Variants in KANSL1L observed in about 807,000 individuals in gnomAD.
KANSL1L encodes KAT8 regulatory NSL complex subunit 1-like protein.
In KANSL1L, 25 loss-of-function variants were observed where a neutral mutation model predicts 108.6. That is an observed-to-expected ratio of 0.23 (90% CI 0.17 to 0.32). The LOEUF is 0.32. Among genes scored for constraint, KANSL1L ranks in the 10% least tolerant of loss-of-function variants. The pLI, the probability that KANSL1L is intolerant of heterozygous loss-of-function variation, is 1.00. For synonymous variants in KANSL1L, 405 were observed against 395.1 expected (o/e 1.03, Z -0.30); for missense variants, 1,137 against 1,125.7 (o/e 1.01, Z -0.14).
chr2:210,108,209 A>C (rs527495907), intron 3 of KANSL1L, among the ~76,000 whole-genome samples: 1 of 152,300 alleles, frequency 6.6e-6, no homozygotes, highest in South Asian at 2.1e-4. Context: ...ATGAGAAACT[A>C]CTAAAATAAC....
intron 3 of KANSL1L, among the ~76,000 whole-genome samples, chr2:210,110,932 C>T (rs1415227879): frequency 6.6e-6 from 1 of 151,752 alleles, no homozygotes; most frequent in East Asian, 1.9e-4. Context: ...GGCAACATGG[C>T]GAAACCCCAA....
rs548039643 is a variant in KANSL1L at position 210,059,352 on chromosome 2, G to A, written c.1756-15248C>T. 7.2e-5 allele frequency among the ~76,000 whole-genome samples: 11 copies of A among 152,270 alleles called. No homozygotes were observed. The South Asian group carries it at 2.3e-3, about 32-fold the overall frequency. ...AGTCCCACTTCCGCCAGCACAGCTG[G>A]CCCTCCAGCTGAATGTAGCCATATG... On this transcript the variant is annotated intron_variant, in intron 6 of 14. Coordinates refer to ENST00000281772, the MANE Select transcript of KANSL1L (RefSeq NM_152519.4).
intron 2 of KANSL1L, among the ~76,000 whole-genome samples, chr2:210,135,556 G>A (rs1228638072): frequency 6.6e-6 from 1 of 152,028 alleles, no homozygotes; most frequent in Non-Finnish European, 1.5e-5. Flanking sequence ...TCTAGGTCTG[G>A]CCATTATAAA....
intron 5 of KANSL1L, chr2:210,088,664 C>T (rs939489101): frequency 6.5e-6 from 1 of 152,738 alleles, no homozygotes; most frequent in Non-Finnish European, 1.5e-5. Flanking sequence ...CCTCACTGGC[C>T]GCCACAGAGG....
chr2:210,138,381 G>A (rs1224870914), intron 2 of KANSL1L, among the ~76,000 whole-genome samples: 2 of 151,956 alleles, frequency 1.3e-5, no homozygotes, highest in Non-Finnish European at 2.9e-5. Flanking sequence ...TCACTACCTG[G>A]ACAATGGGAT....
intron 1 of KANSL1L, among the ~76,000 whole-genome samples, chr2:210,163,043 T>C (rs2095370032): frequency 6.6e-6 from 1 of 152,152 alleles, no homozygotes; most frequent in Non-Finnish European, 1.5e-5. Context: ...TTTCTATCCT[T>C]ACATCTTATT....
At chr2:210,031,759 G>A (rs1016166808) in intron 8 of KANSL1L, among the ~76,000 whole-genome samples, 3 of 152,150 alleles carry the variant, frequency 2.0e-5, no homozygotes, top group Admixed American at 2.0e-4. Flanking sequence ...GGGATGAAAA[G>A]GGAAGATGAT....
chr2:210,169,700 C>A (rs1022103774), intron 1 of KANSL1L, among the ~76,000 whole-genome samples: 1 of 152,150 alleles, frequency 6.6e-6, no homozygotes, highest in African/African-American at 2.4e-5. Flanking sequence ...AGATTAAAAC[C>A]ATGAGGAAAT....
At chr2:210,024,968 A>G (rs1216675692) in intron 13 of KANSL1L, 136 bp downstream of exon 13, 1 of 624,486 alleles carries the variant, frequency 1.6e-6, no homozygotes, top group African/African-American at 1.8e-5. Context: ...TCTATGTAGT[A>G]TTTTACTTCT....
rs1389172296 is a variant in KANSL1L at position 210,084,606 on chromosome 2, TTTC to T, written c.1551-8853_1551-8851del. ...AAATATACTCTGAGCAATATAGTGATTTCTTTTTTTTTTCTCTCTCTTTTTTGA... is the reference window on the plus strand; with the variant it reads ...AAATATACTCTGAGCAATATAGTGATTTTTTTTTTTCTCTCTCTTTTTTGA... On this transcript the variant is annotated intron_variant, in intron 5 of 14. Coordinates refer to ENST00000281772, the MANE Select transcript of KANSL1L (RefSeq NM_152519.4). Among the ~76,000 whole-genome samples the T allele has an allele frequency of 1.6e-3, 237 of 152,050 alleles. 1 individual carries two copies. The highest frequency in any genetic ancestry group is 5.5e-3 in the African/African-American group (226 of 41,450).
intron 8 of KANSL1L, among the ~76,000 whole-genome samples, chr2:210,038,945 T>G (rs989311279): frequency 6.6e-6 from 1 of 151,938 alleles, no homozygotes; most frequent in Non-Finnish European, 1.5e-5. Flanking sequence ...TGATGCTTCA[T>G]AAGAATTTGT....
At chr2:210,038,453 C>G (rs2094131258) in intron 8 of KANSL1L, among the ~76,000 whole-genome samples, 1 of 151,840 alleles carries the variant, frequency 6.6e-6, no homozygotes, top group Admixed American at 6.5e-5. Context: ...ATAGTTGTGC[C>G]AAAATTGATG....
At chr2:210,054,244 C>G (rs1278130577) in intron 6 of KANSL1L, among the ~76,000 whole-genome samples, 3 of 150,622 alleles carry the variant, frequency 2.0e-5, no homozygotes, top group Non-Finnish European at 2.9e-5. Flanking sequence ...ATGGCGTGAA[C>G]TCAGGAGGCG....
chr2:210,031,450 T>G lies in KANSL1L; in HGVS notation c.2126A>C (p.Lys709Thr), dbSNP rs780373679. Reference sequence around the variant, plus strand: ...TGCTGTTTCACTCAAATGTCTTTTCTTTCTTCCCTGTAACAGTTGTGCAGA... The same window carrying G: ...TGCTGTTTCACTCAAATGTCTTTTCGTTCTTCCCTGTAACAGTTGTGCAGA... Reference protein sequence around the residue: ...ESSAQLLQGRKKRHLSETALG... With the variant: ...ESSAQLLQGRTKRHLSETALG... Residue 709 changes from lysine (K) to threonine (T), a missense_variant, in exon 9 of 15, where the codon AAG (lysine) becomes ACG (threonine). Lys to Thr is a moderately conservative substitution (Grantham distance 78). Around this residue, in one of 3 missense-constraint regions of KANSL1L, gnomAD observed 575 missense variants for 567.1 expected, o/e 1.01. Coordinates refer to ENST00000281772, the MANE Select transcript of KANSL1L (RefSeq NM_152519.4). 6.2e-7 allele frequency: 1 copy of G among 1,601,796 alleles called. No homozygotes were observed. Among genetic ancestry groups the G allele is most frequent in the Non-Finnish European group, 8.5e-7 (1 of 1,170,178 alleles).
intron 2 of KANSL1L, chr2:210,151,713 T>C (rs1351155371): frequency 6.6e-6 from 1 of 152,166 alleles, no homozygotes; most frequent in Non-Finnish European, 1.5e-5. Context: ...GTTGAAAGAA[T>C]TAAATGAGAT....
chr2:210,162,529 G>A (rs1291911507), intron 1 of KANSL1L, among the ~76,000 whole-genome samples: 2 of 151,972 alleles, frequency 1.3e-5, no homozygotes, highest in African/African-American at 2.4e-5. Context: ...AAACAAGTCT[G>A]GAGTTCAAGC....
chr2:210,102,665 T>C (rs1308076839), intron 4 of KANSL1L, among the ~76,000 whole-genome samples: 1 of 151,998 alleles, frequency 6.6e-6, no homozygotes, highest in South Asian at 2.1e-4. Flanking sequence ...AGGATATGAA[T>C]AGACACTTCT....
At chr2:210,106,969 G>T (rs1305731409) in intron 3 of KANSL1L, among the ~76,000 whole-genome samples, 1 of 151,924 alleles carries the variant, frequency 6.6e-6, no homozygotes, top group South Asian at 2.1e-4. Context: ...GAGAGTTTCT[G>T]TTCTTAAAAA....
chr2:210,082,751 T>C (rs775864629), intron 5 of KANSL1L, among the ~76,000 whole-genome samples: 2 of 152,190 alleles, frequency 1.3e-5, no homozygotes, highest in African/African-American at 2.4e-5. Context: ...GTTTCTAACA[T>C]TTCCCCCACA....
Sources: gnomAD v4.1 joint callset for allele counts (sites outside exome capture counted in the v4.1 genomes callset) on GRCh38, gnomAD v4.1.1 for gene constraint, gnomAD v4.1.1 regional missense constraint, MANE v1.5 for transcripts, NCBI Gene and HGNC (gene_info 2026-07-23, HGNC 2026-07-21) for gene names.